Variants in RBFOX1 observed in about 807,000 individuals in gnomAD.
The protein encoded by RBFOX1 is RNA binding fox-1 homolog 1, also known as RNA binding protein fox-1 homolog 1.
Under a neutral mutation model 57.7 loss-of-function variants are expected in RBFOX1, and 8 were observed. The observed-to-expected ratio is 0.14, with a 90% CI of 0.08 to 0.25. RBFOX1 has a LOEUF of 0.25. RBFOX1 is among the 10% of genes least tolerant of loss of function. The pLI, the probability that RBFOX1 is intolerant of heterozygous loss-of-function variation, is 1.00. For missense variants in RBFOX1, 611 were observed against 548.5 expected (o/e 1.11, Z -1.14); for synonymous variants, 326 against 222.4 (o/e 1.47, Z -4.15).
chr16:5,664,991 C>G (rs2049785777), intron 3 of RBFOX1, among the ~76,000 whole-genome samples: 1 of 151,756 alleles, frequency 6.6e-6, no homozygotes, highest in Non-Finnish European at 1.5e-5. Flanking sequence ...GCCATTCAGG[C>G]TGGAGTACAG....
intron 1 of RBFOX1, among the ~76,000 whole-genome samples, chr16:5,241,016 A>G (rs2062153474): frequency 6.6e-6 from 1 of 152,058 alleles, no homozygotes; most frequent in Non-Finnish European, 1.5e-5. Flanking sequence ...AAATGTTTTT[A>G]TGTTTGACCA....
rs568741984 is a variant in RBFOX1, at chr16:5,876,023, T to C, written c.351+8688T>C. Among the ~76,000 whole-genome samples the C allele has an allele frequency of 6.5e-4, 99 of 152,172 alleles. 1 individual carries two copies. Among genetic ancestry groups the C allele is most frequent in the Middle Eastern group, 6.8e-3 (2 of 294 alleles). On this transcript the variant is annotated intron_variant, in intron 4 of 19. Transcript: ENST00000641259. ...CACACCCAGCTAATTTTTTGTATTT[T>C]TAGTAGAGAAGGGGTTTCGCCGTGT...
At chr16:7,185,712 A>T (rs1472248938) in intron 4 of RBFOX1, among the ~76,000 whole-genome samples, 1 of 152,154 alleles carries the variant, frequency 6.6e-6, no homozygotes, top group Non-Finnish European at 1.5e-5. Flanking sequence ...TTTTGCTACC[A>T]CTGAAAGTGG....
chr16:5,520,943 G>A (rs1289596640), intron 2 of RBFOX1, among the ~76,000 whole-genome samples: 1 of 152,166 alleles, frequency 6.6e-6, no homozygotes, highest in Non-Finnish European at 1.5e-5. Flanking sequence ...CACGAGGAGA[G>A]CCACAGCCAA....
At chr16:5,748,362 G>A (rs1325022447) in intron 3 of RBFOX1, among the ~76,000 whole-genome samples, 1 of 152,148 alleles carries the variant, frequency 6.6e-6, no homozygotes. Context: ...TTGATTTGGG[G>A]TGGAGAGTTC....
At chr16:5,722,101 G>T (rs1022166904) in intron 3 of RBFOX1, among the ~76,000 whole-genome samples, 1 of 152,148 alleles carries the variant, frequency 6.6e-6, no homozygotes, top group African/African-American at 2.4e-5. Context: ...AAAGAACCAG[G>T]TTGCTCTACT....
intron 4 of RBFOX1, among the ~76,000 whole-genome samples, chr16:7,328,979 A>G (rs2096649032): frequency 6.6e-6 from 1 of 152,204 alleles, no homozygotes; most frequent in Admixed American, 6.5e-5. Flanking sequence ...TTTTAAAAAA[A>G]GAATAATATT....
At chr16:6,952,662 AGAAAAAGAAAT>A (rs959737226) in intron 3 of RBFOX1, among the ~76,000 whole-genome samples, 1 of 151,948 alleles carries the variant, frequency 6.6e-6, no homozygotes, top group African/African-American at 2.4e-5. Context: ...AAAAAAGAAA[AGAAAAAGAAAT>A]GAAAAAAAAT....
chr16:6,873,187 A>G lies in RBFOX1; in HGVS notation c.-15-178870A>G, dbSNP rs141424441. On this transcript the variant is annotated intron_variant, in intron 3 of 15. Transcript: ENST00000550418. Reference sequence around the variant, plus strand: ...TCCTCCTGAAGCGTGAAGAAGGAATAAACGAGGAGTAGAGATTTTTGCCTC... The same window carrying G: ...TCCTCCTGAAGCGTGAAGAAGGAATGAACGAGGAGTAGAGATTTTTGCCTC... Among the ~76,000 whole-genome samples the G allele has an allele frequency of 2.7e-3, 411 of 152,050 alleles. 3 individuals are homozygous for G. Among genetic ancestry groups the G allele is most frequent in the African/African-American group, 9.4e-3 (389 of 41,518 alleles).
At chr16:6,876,603 A>ATAC (rs1567674897) in intron 3 of RBFOX1, among the ~76,000 whole-genome samples, 1 of 152,200 alleles carries the variant, frequency 6.6e-6, no homozygotes, top group Non-Finnish European at 1.5e-5. Flanking sequence ...ATGATGCACC[A>ATAC]TACTAGAGTA....
chr16:6,245,917 T>C (rs2097566716), intron 1 of RBFOX1, among the ~76,000 whole-genome samples: 1 of 152,210 alleles, frequency 6.6e-6, no homozygotes, highest in Admixed American at 6.5e-5. Flanking sequence ...TTCATAGCTT[T>C]AAGCTCTCTT....
At chr16:6,791,413 G>C (rs1213989540) in intron 3 of RBFOX1, among the ~76,000 whole-genome samples, 1 of 152,126 alleles carries the variant, frequency 6.6e-6, no homozygotes, top group Non-Finnish European at 1.5e-5. Flanking sequence ...CTGTGAAAAT[G>C]AAAGTTCAGG....
intron 3 of RBFOX1, among the ~76,000 whole-genome samples, chr16:5,830,379 G>GTTT: frequency 7.1e-6 from 1 of 141,686 alleles, no homozygotes; most frequent in Non-Finnish European, 1.6e-5. Flanking sequence ...TTTGCTTTTT[G>GTTT]TTTTTTTTTT....
chr16:6,961,344 C>T (rs908741719), intron 3 of RBFOX1, among the ~76,000 whole-genome samples: 1 of 152,144 alleles, frequency 6.6e-6, no homozygotes, highest in Non-Finnish European at 1.5e-5. Flanking sequence ...GTCCCTGCGT[C>T]CACTCCAGAC....
At chr16:5,607,537 C>T (rs913616834) in intron 3 of RBFOX1, among the ~76,000 whole-genome samples, 1 of 152,140 alleles carries the variant, frequency 6.6e-6, no homozygotes, top group African/African-American at 2.4e-5. Flanking sequence ...TCAATGTTGG[C>T]ATTGAACTAC....
intron 4 of RBFOX1, among the ~76,000 whole-genome samples, chr16:7,490,122 G>A (rs2066537472): frequency 6.6e-6 from 1 of 152,172 alleles, no homozygotes; most frequent in African/African-American, 2.4e-5. Flanking sequence ...CTGAATGGAG[G>A]AGGCTGCAGA....
chr16:7,247,043 G>T (rs931166632), intron 4 of RBFOX1, among the ~76,000 whole-genome samples: 2 of 152,136 alleles, frequency 1.3e-5, no homozygotes, highest in Non-Finnish European at 1.5e-5. Context: ...CACTTGTTTA[G>T]TGCATGTGTC....
intron 3 of RBFOX1, among the ~76,000 whole-genome samples, chr16:5,647,555 C>T (rs982820237): frequency 1.3e-5 from 2 of 152,156 alleles, no homozygotes; most frequent in African/African-American, 2.4e-5. Context: ...AGTCTCTGTC[C>T]CGTGGAAACC....
At chr16:5,301,477 A>G (rs1057097505) in intron 1 of RBFOX1, among the ~76,000 whole-genome samples, 4 of 151,890 alleles carry the variant, frequency 2.6e-5, no homozygotes, top group African/African-American at 9.7e-5. Context: ...AAATTAGCCA[A>G]GTGTGGTGGC....
Sources: allele counts gnomAD v4.1 joint callset (sites outside exome capture counted in the v4.1 genomes callset), GRCh38; gene constraint gnomAD v4.1.1; transcripts MANE v1.5; gene names NCBI Gene and HGNC (gene_info 2026-07-23, HGNC 2026-07-21).